The following PRIM2 variants were observed in gnomAD, a reference collection of about 807,000 sequenced individuals.
The protein encoded by PRIM2 is DNA primase subunit 2, also known as DNA primase large subunit.
In PRIM2, 39 loss-of-function variants were observed where a neutral mutation model predicts 67.3. The observed-to-expected ratio is 0.58, with a 90% CI of 0.45 to 0.76. PRIM2 has a LOEUF of 0.76. Among genes scored for constraint, PRIM2 ranks in the 30% least tolerant of loss-of-function variants. The pLI, the probability that PRIM2 is intolerant of heterozygous loss-of-function variation, is 0.00. For missense variants in PRIM2, 398 were observed against 598.7 expected (o/e 0.66, Z 3.50); for synonymous variants, 143 against 198.7 (o/e 0.72, Z 2.36).
intron 7 of PRIM2, chr6:57,382,808 C>G (rs1770008620): frequency 6.6e-6 from 1 of 151,920 alleles, no homozygotes; most frequent in Non-Finnish European, 1.5e-5. Context: ...TTTTTTGTAC[C>G]TAATGCAGAA....
At chr6:57,296,823 G>C in the PRIM2 span, among the ~76,000 whole-genome samples, 1 of 152,102 alleles carries the variant, frequency 6.6e-6, no homozygotes, top group Non-Finnish European at 1.5e-5. Context: ...CTTGATACCA[G>C]GGCAGGGGAA....
intron 7 of PRIM2, among the ~76,000 whole-genome samples, chr6:57,487,144 G>A (rs1267291293): frequency 5.3e-4 from 80 of 152,220 alleles, no homozygotes; most frequent in Admixed American, 4.6e-3. Context: ...CTTCTAATAA[G>A]CTTGTTTAAT....
intron 13 of PRIM2, among the ~76,000 whole-genome samples, chr6:57,636,503 C>T (rs1293838474): frequency 6.6e-6 from 1 of 151,986 alleles, no homozygotes; most frequent in African/African-American, 2.4e-5. Context: ...GTGAAGGAAA[C>T]AGAACACAAA....
chr6:57,553,927 C>G (rs1330979231), intron 10 of PRIM2, among the ~76,000 whole-genome samples: 1 of 152,094 alleles, frequency 6.6e-6, no homozygotes, highest in South Asian at 2.1e-4. Flanking sequence ...CATCCCTATC[C>G]CATGTATGGG....
At chr6:57,437,074 G>A (rs1012843862) in intron 7 of PRIM2, among the ~76,000 whole-genome samples, 3 of 152,194 alleles carry the variant, frequency 2.0e-5, no homozygotes, top group Non-Finnish European at 2.9e-5. Context: ...AGGCATCAGG[G>A]AGCTTTTACT....
chr6:57,594,590 T>C (rs1286567432), intron 10 of PRIM2, among the ~76,000 whole-genome samples: 1 of 152,240 alleles, frequency 6.6e-6, no homozygotes, highest in Non-Finnish European at 1.5e-5. Context: ...CTTCAACATA[T>C]GGTGTTCAGA....
chr6:57,307,484 C>T, the PRIM2 span, among the ~76,000 whole-genome samples: 1 of 151,956 alleles, frequency 6.6e-6, no homozygotes, highest in East Asian at 2.0e-4. Flanking sequence ...ATGATCCGCC[C>T]ACCTCGGCCT....
the PRIM2 span, among the ~76,000 whole-genome samples, chr6:57,246,803 A>G: frequency 3.3e-5 from 5 of 151,692 alleles, no homozygotes; most frequent in African/African-American, 4.8e-5. Context: ...GCATCTGCCC[A>G]TAGAGTACTC....
At chr6:57,474,970 C>T (rs1309409577) in intron 7 of PRIM2, among the ~76,000 whole-genome samples, 1 of 152,082 alleles carries the variant, frequency 6.6e-6, no homozygotes, top group Admixed American at 6.5e-5. Flanking sequence ...TGTTTCTTTC[C>T]TCCCAATATT....
chr6:57,407,601 G>A (rs9357961), intron 7 of PRIM2, among the ~76,000 whole-genome samples: 11 of 152,118 alleles, frequency 7.2e-5, no homozygotes, highest in African/African-American at 1.7e-4. Flanking sequence ...CTTCAAATAC[G>A]TATCATTTGC....
At chr6:57,324,601 A>G (rs1204528450) in intron 4 of PRIM2, among the ~76,000 whole-genome samples, 1 of 152,204 alleles carries the variant, frequency 6.6e-6, no homozygotes, top group Non-Finnish European at 1.5e-5. Flanking sequence ...AAAAAATGGT[A>G]ATATTTATAA....
At chr6:57,467,609 G>A (rs2127400410) in intron 7 of PRIM2, among the ~76,000 whole-genome samples, 1 of 152,232 alleles carries the variant, frequency 6.6e-6, no homozygotes, top group South Asian at 2.1e-4. Flanking sequence ...GGCTGTACAG[G>A]CTCTTTTTTG....
intron 7 of PRIM2, among the ~76,000 whole-genome samples, chr6:57,441,824 G>A (rs1244481211): frequency 6.6e-6 from 1 of 152,104 alleles, no homozygotes; most frequent in Non-Finnish European, 1.5e-5. Context: ...AAGTTAACAG[G>A]CAATTCAGTA....
intron 7 of PRIM2, among the ~76,000 whole-genome samples, chr6:57,479,511 G>A (rs1210155393): frequency 6.6e-6 from 1 of 152,140 alleles, no homozygotes; most frequent in Non-Finnish European, 1.5e-5. Context: ...TGTCTGAGTA[G>A]GTGATAGTTT....
At chr6:57,462,792 G>A (rs1773051190) in intron 7 of PRIM2, among the ~76,000 whole-genome samples, 1 of 152,148 alleles carries the variant, frequency 6.6e-6, no homozygotes, top group Non-Finnish European at 1.5e-5. Flanking sequence ...ACAAAACTCT[G>A]ATGTTAGTTC....
At chr6:57,345,506 G>GTACA (rs71927897) in intron 5 of PRIM2, among the ~76,000 whole-genome samples, 6,387 of 121,890 alleles carry the variant, frequency 0.052, 304 homozygotes, top group African/African-American at 0.095. Context: ...GTGTGTGTGT[G>GTACA]TACATACATA....
At chr6:57,456,820 G>A (rs140595377) in intron 7 of PRIM2, among the ~76,000 whole-genome samples, 13 of 152,062 alleles carry the variant, frequency 8.5e-5, no homozygotes, top group African/African-American at 2.7e-4. Flanking sequence ...GCTTTGTTCT[G>A]TTGCTGGTGA....
At chr6:57,588,419 C>G (rs1291032931) in intron 10 of PRIM2, among the ~76,000 whole-genome samples, 2 of 147,772 alleles carry the variant, frequency 1.4e-5, no homozygotes, top group African/African-American at 5.0e-5. Flanking sequence ...CGTGGAGACC[C>G]TTTAACTTGT....
At chr6:57,329,294 G>A (rs1255613132) in intron 5 of PRIM2, among the ~76,000 whole-genome samples, 2 of 151,946 alleles carry the variant, frequency 1.3e-5, no homozygotes, top group Non-Finnish European at 2.9e-5. Context: ...TATATCTGTG[G>A]TTCATTTTGT....
Sources: gnomAD v4.1 joint callset for allele counts (sites outside exome capture counted in the v4.1 genomes callset) on GRCh38, gnomAD v4.1.1 for gene constraint, MANE v1.5 for transcripts, NCBI Gene and HGNC (gene_info 2026-07-23, HGNC 2026-07-21) for gene names.